LRRC4C: variants seen among roughly 807,000 people sequenced by gnomAD.
LRRC4C encodes leucine-rich repeat-containing protein 4C.
LRRC4C carries 5 observed loss-of-function variants against 33.6 expected under a neutral mutation model. The ratio of observed to expected loss-of-function variants is 0.15; its 90% CI spans 0.08 to 0.31. The LOEUF is 0.31. Ranked by LOEUF, LRRC4C falls within the 10% of genes least tolerant of loss-of-function variation. The probability of loss-of-function intolerance (pLI) is 1.00; values close to 1 mark genes in which losing one functional copy is unlikely to be tolerated. For missense variants in LRRC4C, 560 were observed against 796.7 expected (o/e 0.70, Z 3.58); for synonymous variants, 329 against 302.0 (o/e 1.09, Z -0.93).
chr11:40,631,513 C>A (rs566076777), intron 3 of LRRC4C, among the ~76,000 whole-genome samples: 12 of 151,450 alleles, frequency 7.9e-5, no homozygotes, highest in African/African-American at 2.7e-4. Context: ...CTTTAACCTG[C>A]GAACTCTGAC....
intron 3 of LRRC4C, among the ~76,000 whole-genome samples, chr11:40,414,408 A>T (rs1950253792): frequency 6.6e-6 from 1 of 152,140 alleles, no homozygotes; most frequent in Non-Finnish European, 1.5e-5. Context: ...TGCAGGACCC[A>T]TCAGTTCAGG....
intron 1 of LRRC4C, among the ~76,000 whole-genome samples, chr11:41,343,048 T>G (rs1037650801): frequency 3.3e-5 from 5 of 152,232 alleles, no homozygotes; most frequent in African/African-American, 7.2e-5. Context: ...TGTATTTCTC[T>G]TGTTCTCTCA....
chr11:40,856,769 T>G, intron 2 of LRRC4C, among the ~76,000 whole-genome samples: 1 of 152,222 alleles, frequency 6.6e-6, no homozygotes, highest in East Asian at 1.9e-4. Flanking sequence ...CAAGACAAAC[T>G]TGTCTCCTTT....
chr11:40,370,413 G>A (rs1948402410), intron 3 of LRRC4C, among the ~76,000 whole-genome samples: 1 of 152,200 alleles, frequency 6.6e-6, no homozygotes, highest in Non-Finnish European at 1.5e-5. Flanking sequence ...TTTTGAGCAA[G>A]TTTTATAGTT....
chr11:40,843,697 A>T (rs1188595684), intron 2 of LRRC4C, among the ~76,000 whole-genome samples: 2 of 152,186 alleles, frequency 1.3e-5, no homozygotes, highest in African/African-American at 4.8e-5. Flanking sequence ...CATTTATTCC[A>T]TAATAGTTAC....
At chr11:41,037,294 C>CTGATAAT (rs1857138370) in intron 1 of LRRC4C, among the ~76,000 whole-genome samples, 1 of 121,552 alleles carries the variant, frequency 8.2e-6, no homozygotes, top group Non-Finnish European at 1.8e-5. Context: ...TTTTTTTTTT[C>CTGATAAT]TGATAATGCC....
chr11:40,940,211 T>C (rs991925165), intron 1 of LRRC4C, among the ~76,000 whole-genome samples: 1 of 152,194 alleles, frequency 6.6e-6, no homozygotes, highest in Non-Finnish European at 1.5e-5. Context: ...ACCTAACTAA[T>C]GGGCTTGTTG....
At chr11:41,059,851 C>A (rs1161386071) in intron 1 of LRRC4C, among the ~76,000 whole-genome samples, 1 of 152,038 alleles carries the variant, frequency 6.6e-6, no homozygotes, top group Admixed American at 6.5e-5. Flanking sequence ...ATGGTGAAAC[C>A]CCATCTCTAC....
chr11:41,366,274 C>A (rs1483419087), intron 1 of LRRC4C, among the ~76,000 whole-genome samples: 1 of 151,818 alleles, frequency 6.6e-6, no homozygotes, highest in African/African-American at 2.4e-5. Context: ...GCTACCACAT[C>A]AAATTACTTA....
chr11:41,391,551 C>T (rs991353347), intron 1 of LRRC4C, among the ~76,000 whole-genome samples: 4 of 151,878 alleles, frequency 2.6e-5, no homozygotes, highest in African/African-American at 7.3e-5. Flanking sequence ...ATGATGCCCA[C>T]GTTTGAAAGC....
chr11:40,757,774 C>T (rs1949023514), intron 2 of LRRC4C, among the ~76,000 whole-genome samples: 1 of 151,842 alleles, frequency 6.6e-6, no homozygotes, highest in East Asian at 1.9e-4. Context: ...AGAGAAGTTC[C>T]AGACAAAGAA....
At chr11:40,998,641 C>A (rs1854148329) in intron 1 of LRRC4C, among the ~76,000 whole-genome samples, 1 of 152,016 alleles carries the variant, frequency 6.6e-6, no homozygotes, top group South Asian at 2.1e-4. Flanking sequence ...ATGAACATAC[C>A]CAATCACAAA....
At chr11:40,593,160 A>G (rs960854695) in intron 3 of LRRC4C, among the ~76,000 whole-genome samples, 1 of 152,192 alleles carries the variant, frequency 6.6e-6, no homozygotes, top group East Asian at 1.9e-4. Context: ...GAGAGATGCT[A>G]TGTAAATACA....
At chr11:40,373,437 T>C (rs11035809) in intron 3 of LRRC4C, among the ~76,000 whole-genome samples, 559 of 152,128 alleles carry the variant, frequency 3.7e-3, no homozygotes, top group Middle Eastern at 0.01. Flanking sequence ...GGAAATAATA[T>C]GTAGAATATA....
intron 1 of LRRC4C, among the ~76,000 whole-genome samples, chr11:40,980,051 G>T: frequency 6.6e-6 from 1 of 152,152 alleles, no homozygotes; most frequent in Non-Finnish European, 1.5e-5. Flanking sequence ...TGAAAGGAAA[G>T]TGTCTGTCCT....
chr11:41,376,328 A>G (rs1952935446), intron 1 of LRRC4C, among the ~76,000 whole-genome samples: 1 of 152,116 alleles, frequency 6.6e-6, no homozygotes, highest in Non-Finnish European at 1.5e-5. Flanking sequence ...AATAACTAGC[A>G]AGTCTGAGAT....
At chr11:40,333,965 G>A (rs1946482168) in intron 3 of LRRC4C, among the ~76,000 whole-genome samples, 1 of 152,098 alleles carries the variant, frequency 6.6e-6, no homozygotes, top group African/African-American at 2.4e-5. Context: ...ATCTTAGTTA[G>A]ATAACCCCAA....
intron 3 of LRRC4C, among the ~76,000 whole-genome samples, chr11:40,561,979 A>T (rs1410981696): frequency 6.6e-6 from 1 of 152,234 alleles, no homozygotes; most frequent in Non-Finnish European, 1.5e-5. Flanking sequence ...CAACAAACAT[A>T]GTTATTAGAT....
At chr11:40,264,740 T>A (rs1000634610) in intron 4 of LRRC4C, among the ~76,000 whole-genome samples, 2 of 152,306 alleles carry the variant, frequency 1.3e-5, no homozygotes, top group African/African-American at 4.8e-5. Context: ...TTGTGCTTGA[T>A]ATTTCAGAGC....
Sources: gnomAD v4.1 joint callset for allele counts (sites outside exome capture counted in the v4.1 genomes callset) on GRCh38, gnomAD v4.1.1 for gene constraint, MANE v1.5 for transcripts, NCBI Gene and HGNC (gene_info 2026-07-23, HGNC 2026-07-21) for gene names.